Variants in SNTG1 observed in about 807,000 individuals in gnomAD.
SNTG1 encodes the protein syntrophin gamma 1, also known as gamma-1-syntrophin.
Under a neutral mutation model 74.7 loss-of-function variants are expected in SNTG1, and 39 were observed. That is an observed-to-expected ratio of 0.52 (90% CI 0.40 to 0.68). The LOEUF (loss-of-function observed/expected upper bound fraction) is 0.68, where lower values mean the gene tolerates loss of function less well. SNTG1 is among the 30% of genes least tolerant of loss of function. The pLI is 0.00. For synonymous variants in SNTG1, 254 were observed against 217.1 expected, an observed-to-expected ratio of 1.17 and a Z score of -1.49; for missense variants, 685 against 609.5, an observed-to-expected ratio of 1.12 and a Z score of -1.30.
intron 13 of SNTG1, among the ~76,000 whole-genome samples, chr8:50,635,178 G>T (rs1437399567): frequency 2.6e-5 from 4 of 152,124 alleles, no homozygotes; most frequent in African/African-American, 4.8e-5. Flanking sequence ...GTGCAGATGA[G>T]ATTTCTTGGC....
intron 1 of SNTG1, among the ~76,000 whole-genome samples, chr8:49,968,212 C>T (rs558248833): frequency 2.0e-5 from 3 of 152,216 alleles, no homozygotes; most frequent in South Asian, 4.1e-4. Flanking sequence ...AAGCCATTGC[C>T]CACATCCTTC....
At chr8:50,504,524 G>A (rs1473406801) in intron 9 of SNTG1, among the ~76,000 whole-genome samples, 2 of 152,114 alleles carry the variant, frequency 1.3e-5, no homozygotes, top group African/African-American at 4.8e-5. Flanking sequence ...GGGTGCAGTG[G>A]CCCATGCGTG....
chr8:50,731,709 G>C (rs754502496), intron 17 of SNTG1, among the ~76,000 whole-genome samples: 1 of 152,084 alleles, frequency 6.6e-6, no homozygotes, highest in Non-Finnish European at 1.5e-5. Context: ...ATCAAAAATG[G>C]TGATGTCTGC....
At chr8:49,985,670 ATGCAAGT>A (rs1813089042) in intron 1 of SNTG1, among the ~76,000 whole-genome samples, 1 of 152,232 alleles carries the variant, frequency 6.6e-6, no homozygotes, top group South Asian at 2.1e-4. Context: ...AACAATGGCA[ATGCAAGT>A]TTTGATAATC....
At chr8:50,481,416 A>G (rs2093739721) in intron 8 of SNTG1, among the ~76,000 whole-genome samples, 1 of 152,186 alleles carries the variant, frequency 6.6e-6, no homozygotes, top group South Asian at 2.1e-4. Context: ...CATACAGTGT[A>G]AAGTATTATT....
intron 2 of SNTG1, among the ~76,000 whole-genome samples, chr8:50,200,773 C>T (rs538096597): frequency 1.1e-4 from 17 of 152,132 alleles, no homozygotes; most frequent in African/African-American, 3.6e-4. Context: ...GGGGAATGAT[C>T]CATGCAATAT....
chr8:49,917,263 C>A (rs1403737279), intron 1 of SNTG1, among the ~76,000 whole-genome samples: 3 of 152,084 alleles, frequency 2.0e-5, no homozygotes, highest in Non-Finnish European at 4.4e-5. Context: ...ATTGGTAAAT[C>A]ATTATTATGT....
intron 1 of SNTG1, among the ~76,000 whole-genome samples, chr8:50,073,953 G>C (rs139475986): frequency 6.7e-6 from 1 of 148,860 alleles, no homozygotes; most frequent in South Asian, 2.2e-4. Flanking sequence ...ACTAGATTTC[G>C]CATCCTTCTT....
At chr8:50,615,509 G>A (rs540034677) in intron 13 of SNTG1, among the ~76,000 whole-genome samples, 2 of 152,152 alleles carry the variant, frequency 1.3e-5, no homozygotes, top group African/African-American at 4.8e-5. Flanking sequence ...AGAGACAGTC[G>A]ACAACATGTT....
At chr8:50,604,297 A>G (rs1363816452) in intron 13 of SNTG1, among the ~76,000 whole-genome samples, 1 of 152,098 alleles carries the variant, frequency 6.6e-6, no homozygotes, top group Non-Finnish European at 1.5e-5. Context: ...ACATGCCTGT[A>G]GTCCCAGCTA....
intron 4 of SNTG1, among the ~76,000 whole-genome samples, chr8:50,422,270 A>AT (rs61696608): frequency 0.88 from 133,800 of 151,642 alleles, 59,871 homozygotes; most frequent in East Asian, 0.98. Flanking sequence ...CTATCTATCT[A>AT]CTATCTATCT....
chr8:50,669,716 A>G (rs1177945340), intron 15 of SNTG1, among the ~76,000 whole-genome samples: 1 of 152,190 alleles, frequency 6.6e-6, no homozygotes, highest in African/African-American at 2.4e-5. Context: ...CCTGATACAA[A>G]AGCCTGGCAG....
At chr8:50,194,931 G>A (rs1343833571) in intron 2 of SNTG1, among the ~76,000 whole-genome samples, 1 of 152,090 alleles carries the variant, frequency 6.6e-6, no homozygotes, top group African/African-American at 2.4e-5. Flanking sequence ...TGACCCAGAA[G>A]ATGACTCTTT....
chr8:50,650,446 G>A lies in SNTG1; in HGVS notation c.850-6463G>A, dbSNP rs2095138001. Among the ~76,000 whole-genome samples, 7 of 151,942 alleles carry A rather than the reference G, an allele frequency of 4.6e-5. No homozygotes were observed. In the South Asian group the frequency reaches 1.2e-3, roughly 27 times the overall value. ...GTTCACTCATTCATGTAAAGTTATG[G>A]CTGGTCCATAAATTAAGTTGGGACT... On this transcript the variant is annotated intron_variant, in intron 13 of 18. Coordinates refer to ENST00000642720, the MANE Select transcript of SNTG1 (RefSeq NM_018967.5).
intron 1 of SNTG1, among the ~76,000 whole-genome samples, chr8:50,078,114 C>T (rs1402348600): frequency 6.6e-6 from 1 of 152,180 alleles, no homozygotes; most frequent in Admixed American, 6.5e-5. Context: ...TACTGCTGAA[C>T]TACCAGTTCA....
intron 2 of SNTG1, among the ~76,000 whole-genome samples, chr8:50,223,610 A>G (rs891031460): frequency 2.4e-4 from 37 of 152,164 alleles, no homozygotes; most frequent in Admixed American, 6.5e-5. Context: ...GCAAAAGATA[A>G]TAATTTGATG....
intron 9 of SNTG1, among the ~76,000 whole-genome samples, chr8:50,518,337 G>T (rs1475839882): frequency 2.0e-5 from 3 of 152,096 alleles, no homozygotes; most frequent in African/African-American, 4.8e-5. Flanking sequence ...AGCACTAATT[G>T]CCCACAAGAG....
At chr8:50,547,235 A>G (rs931607439) in intron 11 of SNTG1, among the ~76,000 whole-genome samples, 1 of 152,174 alleles carries the variant, frequency 6.6e-6, no homozygotes, top group Non-Finnish European at 1.5e-5. Context: ...CACTTCACAG[A>G]TTGGTCAGGA....
At chr8:50,075,699 A>T (rs1466245013) in intron 1 of SNTG1, among the ~76,000 whole-genome samples, 1 of 152,156 alleles carries the variant, frequency 6.6e-6, no homozygotes, top group Admixed American at 6.5e-5. Context: ...TACTGCCTTT[A>T]TGAGCTGTAA....
Sources: gnomAD v4.1 joint callset for allele counts (sites outside exome capture counted in the v4.1 genomes callset) on GRCh38, gnomAD v4.1.1 for gene constraint, MANE v1.5 for transcripts, NCBI Gene and HGNC (gene_info 2026-07-23, HGNC 2026-07-21) for gene names.